The following USP44 variants were observed in gnomAD, a reference collection of about 807,000 sequenced individuals.
The protein encoded by USP44 is ubiquitin specific peptidase 44.
USP44 carries 61 observed loss-of-function variants against 69.0 expected under a neutral mutation model. The ratio of observed to expected loss-of-function variants is 0.88; its 90% CI spans 0.72 to 1.09. The LOEUF is 1.09. Among genes scored for constraint, USP44 ranks in the 50% least tolerant of loss-of-function variants. USP44 has a pLI of 0.00. For synonymous variants in USP44, 297 were observed against 295.4 expected, an observed-to-expected ratio of 1.01 and a Z score of -0.06; for missense variants, 753 against 849.9, an observed-to-expected ratio of 0.89 and a Z score of 1.42.
At chr12:95,529,037 T>A in intron 2 of USP44, 35 bp from the exon 3 acceptor site, 1 of 1,533,798 alleles carries the variant, frequency 6.5e-7, no homozygotes, top group Non-Finnish European at 8.8e-7. Context: ...AAGATTATAA[T>A]CTTTCCATCA....
chr12:95,530,779 A>G (rs1488179878), intron 2 of USP44, among the ~76,000 whole-genome samples: 1 of 152,194 alleles, frequency 6.6e-6, no homozygotes, highest in African/African-American at 2.4e-5. Context: ...AGACTCTGTC[A>G]TAAGGAAGTC....
In USP44 at chr12:95,544,346, C is replaced by T. The variant is rs2077504573; in HGVS notation, c.-71+6926G>A. Among the ~76,000 whole-genome samples the T allele has an allele frequency of 4.6e-5, 7 of 152,126 alleles. No individual in the cohort carries two copies. The South Asian group carries it at 1.5e-3, about 32-fold the overall frequency. On this transcript the variant is annotated intron_variant, in intron 1 of 5. Coordinates refer to ENST00000258499, the MANE Select transcript of USP44 (RefSeq NM_032147.5). Reference sequence around the variant, plus strand: ...CTGGGAATACAGGTGTGAGCCACCGCGCCCAGCCAATTTTAGTTATCTTTG... The same window carrying T: ...CTGGGAATACAGGTGTGAGCCACCGTGCCCAGCCAATTTTAGTTATCTTTG...
At chr12:95,529,854 A>T (rs2076965253) in intron 2 of USP44, among the ~76,000 whole-genome samples, 2 of 152,208 alleles carry the variant, frequency 1.3e-5, no homozygotes, top group Admixed American at 6.5e-5. Flanking sequence ...GACAACTGAT[A>T]ATTTCAAAAG....
At chr12:95,543,489 GA>G (rs1161736441) in intron 1 of USP44, among the ~76,000 whole-genome samples, 2 of 148,530 alleles carry the variant, frequency 1.3e-5, no homozygotes, top group Non-Finnish European at 3.0e-5. Context: ...CCTGTCTCTA[GA>G]AAAAAAGAAG....
At chr12:95,527,341 C>T (rs989838846) in intron 3 of USP44, among the ~76,000 whole-genome samples, 3 of 150,140 alleles carry the variant, frequency 2.0e-5, no homozygotes, top group Non-Finnish European at 4.4e-5. Context: ...GTGATCTGCC[C>T]ACCTCAGCCT....
chr12:95,520,267 C>T (rs921545447), intron 5 of USP44, among the ~76,000 whole-genome samples: 1 of 151,516 alleles, frequency 6.6e-6, no homozygotes, highest in Non-Finnish European at 1.5e-5. Flanking sequence ...CCGAGGCAGG[C>T]GCATCACAAG....
chr12:95,550,023 AC>A (rs1292968943), intron 1 of USP44, among the ~76,000 whole-genome samples: 6 of 152,074 alleles, frequency 3.9e-5, no homozygotes, highest in Non-Finnish European at 8.8e-5. Context: ...TACTAAAAAT[AC>A]AAAAATTATC....
chr12:95,527,156 G>A (rs928770359), intron 3 of USP44, among the ~76,000 whole-genome samples: 9 of 150,940 alleles, frequency 6.0e-5, no homozygotes, highest in African/African-American at 1.5e-4. Flanking sequence ...GTGGAATGGC[G>A]CGATCTCGGC....
At chr12:95,523,689 C>CAAAAAAAAAAAAAAAAAAAAAAAAAA (rs927669685) in intron 4 of USP44, among the ~76,000 whole-genome samples, 1 of 89,202 alleles carries the variant, frequency 1.1e-5, no homozygotes, top group Non-Finnish European at 2.4e-5. Flanking sequence ...CTGTCTCTAC[C>CAAAAAAAAAAAAAAAAAAAAAAAAAA]AAAAAAAAAA....
chr12:95,539,011 T>C (rs550570250), intron 1 of USP44, among the ~76,000 whole-genome samples: 4 of 152,314 alleles, frequency 2.6e-5, no homozygotes, highest in African/African-American at 9.6e-5. Flanking sequence ...CATTTTTATA[T>C]CCCTCATGCA....
At chr12:95,544,320 G>A (rs1039262014) in intron 1 of USP44, among the ~76,000 whole-genome samples, 1 of 152,014 alleles carries the variant, frequency 6.6e-6, no homozygotes, top group African/African-American at 2.4e-5. Context: ...CTCCCAAAGT[G>A]CTGGGAATAC....
intron 1 of USP44, among the ~76,000 whole-genome samples, chr12:95,536,567 A>C (rs1158142984): frequency 1.3e-5 from 2 of 152,018 alleles, no homozygotes; most frequent in Non-Finnish European, 2.9e-5. Context: ...CTCTCTCTCT[A>C]AATCAATCCT....
At chr12:95,528,693 A>T in intron 3 of USP44, 114 bp downstream of exon 3, 3 of 1,075,056 alleles carry the variant, frequency 2.8e-6, no homozygotes, top group Middle Eastern at 3.2e-4. Flanking sequence ...TCTTTTGATG[A>T]ACTGAAAAAA....
rs534551558 is a variant in USP44 at position 95,549,438 on chromosome 12, A to T, written c.-71+1834T>A. Among the ~76,000 whole-genome samples, 6 of 152,318 alleles carry T rather than the reference A, an allele frequency of 3.9e-5. No homozygotes were observed. In the South Asian group the frequency reaches 1.2e-3, roughly 32 times the overall value. ...TAATGAAGTACATACCGAAAAGGAA[A>T]AGGAGGGGAAATCTGGAAAACAGGA... On this transcript the variant is annotated intron_variant, in intron 1 of 5. Transcript: ENST00000258499.
chr12:95,526,545 A>G (rs746561128), intron 3 of USP44, among the ~76,000 whole-genome samples: 69 of 152,272 alleles, frequency 4.5e-4, no homozygotes, highest in Non-Finnish European at 8.5e-4. Flanking sequence ...GCACTCCAGC[A>G]TGGGTGACAG....
chr12:95,532,167 G>GTTTTT (rs1272256143), intron 2 of USP44, among the ~76,000 whole-genome samples: 2 of 126,676 alleles, frequency 1.6e-5, no homozygotes, highest in African/African-American at 3.1e-5. Flanking sequence ...CTTTCTTTGG[G>GTTTTT]TTTTTTTTTT....
chr12:95,518,744 A>T (rs1457377109), intron 5 of USP44, among the ~76,000 whole-genome samples: 1 of 152,164 alleles, frequency 6.6e-6, no homozygotes, highest in Non-Finnish European at 1.5e-5. Flanking sequence ...GTTAGAGACC[A>T]GCCTGGCCAA....
intron 2 of USP44, among the ~76,000 whole-genome samples, chr12:95,531,947 C>A (rs746941756): frequency 2.0e-5 from 3 of 152,070 alleles, no homozygotes; most frequent in Non-Finnish European, 2.9e-5. Flanking sequence ...TTTTATAGTC[C>A]ACCTTATCAT....
At chr12:95,519,432 A>ACTTTTTTTTTT (rs199606254) in intron 5 of USP44, among the ~76,000 whole-genome samples, 2 of 84,544 alleles carry the variant, frequency 2.4e-5, no homozygotes. Flanking sequence ...CTCAATCTGT[A>ACTTTTTTTTTT]TTTTTTTTTT....
Sources: allele counts gnomAD v4.1 joint callset (sites outside exome capture counted in the v4.1 genomes callset), GRCh38; gene constraint gnomAD v4.1.1; transcripts MANE v1.5; gene names NCBI Gene and HGNC (gene_info 2026-07-23, HGNC 2026-07-21).